Variants in PTPRK observed in about 807,000 individuals in gnomAD.
PTPRK encodes the protein receptor-type tyrosine-protein phosphatase kappa.
A neutral mutation model predicts 178.0 loss-of-function variants in PTPRK; 75 were observed. That is an observed-to-expected ratio of 0.42 (90% CI 0.35 to 0.51). PTPRK has a LOEUF of 0.51. Ranked by LOEUF, PTPRK falls within the 20% of genes least tolerant of loss-of-function variation. The probability of loss-of-function intolerance (pLI) is 0.02; values close to 1 mark genes in which losing one functional copy is unlikely to be tolerated. For missense variants in PTPRK, 1,441 were observed against 1,797.8 expected, an observed-to-expected ratio of 0.80 and a Z score of 3.59; for synonymous variants, 637 against 620.6, an observed-to-expected ratio of 1.03 and a Z score of -0.39.
chr6:128,125,922 A>T (rs747380416), intron 7 of PTPRK, among the ~76,000 whole-genome samples: 3 of 151,910 alleles, frequency 2.0e-5, no homozygotes, highest in Non-Finnish European at 2.9e-5. Flanking sequence ...TTGGGGTTTT[A>T]AAAAATAGTT....
At chr6:128,370,261 G>C (rs1459880557) in intron 2 of PTPRK, among the ~76,000 whole-genome samples, 1 of 151,994 alleles carries the variant, frequency 6.6e-6, no homozygotes, top group African/African-American at 2.4e-5. Flanking sequence ...CATCCACCAG[G>C]GCATCCCTGT....
chr6:128,234,333 C>A (rs1812835488), intron 5 of PTPRK, among the ~76,000 whole-genome samples: 1 of 152,114 alleles, frequency 6.6e-6, no homozygotes. Context: ...ATTTTTTCCT[C>A]ATTTGTGTCT....
At chr6:128,493,441 A>G (rs1026425456) in intron 1 of PTPRK, among the ~76,000 whole-genome samples, 1 of 151,968 alleles carries the variant, frequency 6.6e-6, no homozygotes, top group Non-Finnish European at 1.5e-5. Context: ...AGGCGCCTGT[A>G]GTCCCAGCTG....
At chr6:128,226,508 G>A (rs1031546565) in intron 5 of PTPRK, among the ~76,000 whole-genome samples, 1 of 151,370 alleles carries the variant, frequency 6.6e-6, no homozygotes, top group Non-Finnish European at 1.5e-5. Context: ...GATAGTCTGA[G>A]TGGACTGGAT....
chr6:128,256,907 G>C (rs1817428056), intron 3 of PTPRK, among the ~76,000 whole-genome samples: 1 of 152,148 alleles, frequency 6.6e-6, no homozygotes, highest in South Asian at 2.1e-4. Flanking sequence ...CAATTTTGTA[G>C]AACATCTAGT....
rs530281184 is a variant in PTPRK at position 128,079,140 on chromosome 6, G to A, written c.1778-222C>T. Among the ~76,000 whole-genome samples, 4 of 152,028 alleles carry A rather than the reference G, an allele frequency of 2.6e-5. No individual in the cohort carries two copies. In the South Asian group the frequency reaches 6.2e-4, roughly 24 times the overall value. Reference sequence around the variant, plus strand: ...ATTTGCTGTGGAAATTTAAATAATCGTCTGGCAATTTATGACACACATTCC... The same window carrying A: ...ATTTGCTGTGGAAATTTAAATAATCATCTGGCAATTTATGACACACATTCC... On this transcript the variant is annotated intron_variant, in intron 10 of 29. Transcript: ENST00000368226.
At chr6:128,342,942 T>A (rs944011547) in intron 2 of PTPRK, among the ~76,000 whole-genome samples, 1 of 151,684 alleles carries the variant, frequency 6.6e-6, no homozygotes, top group African/African-American at 2.4e-5. Flanking sequence ...AATTAAAAAA[T>A]TAAAGAACAG....
In PTPRK at chr6:128,298,710, G is replaced by A. The variant is rs527274879; in HGVS notation, c.495+23329C>T. ...ACTCTCAATAAATTAGGTATTGATG[G>A]GACGTATCTCAAAATAATAAGAGCT... On this transcript the variant is annotated intron_variant, in intron 3 of 29. Coordinates refer to ENST00000368226, the MANE Select transcript of PTPRK (RefSeq NM_002844.4). Among the ~76,000 whole-genome samples the A allele has an allele frequency of 1.6e-4, 25 of 152,082 alleles. No homozygotes were observed. In the East Asian group the frequency reaches 4.2e-3, roughly 26 times the overall value.
intron 1 of PTPRK, among the ~76,000 whole-genome samples, chr6:128,464,661 A>G (rs1331286597): frequency 5.3e-5 from 6 of 113,464 alleles, no homozygotes; most frequent in African/African-American, 2.3e-4. Flanking sequence ...ATATATATAT[A>G]TATATATATA....
intron 3 of PTPRK, among the ~76,000 whole-genome samples, chr6:128,280,976 GA>G (rs1007753264): frequency 4.0e-5 from 6 of 150,828 alleles, no homozygotes; most frequent in African/African-American, 1.2e-4. Context: ...AACTTTTTAG[GA>G]AAAAAAAATC....
intron 3 of PTPRK, among the ~76,000 whole-genome samples, chr6:128,257,466 T>C (rs1483430083): frequency 6.6e-6 from 1 of 152,136 alleles, no homozygotes; most frequent in Admixed American, 6.6e-5. Context: ...CCTAAACATG[T>C]AATAGTATGC....
At chr6:128,000,345 A>C in intron 15 of PTPRK, 1 of 1,268,948 alleles carries the variant, frequency 7.9e-7, no homozygotes, top group Non-Finnish European at 1.0e-6. Flanking sequence ...AGAAGGGAAA[A>C]AAAAAAGAAC....
intron 3 of PTPRK, among the ~76,000 whole-genome samples, chr6:128,295,691 G>A (rs967387347): frequency 3.3e-5 from 5 of 151,900 alleles, no homozygotes; most frequent in South Asian, 2.1e-4. Flanking sequence ...TGGTAAATCC[G>A]GTTCAATAAA....
chr6:128,278,065 A>G (rs1821012609), intron 3 of PTPRK, among the ~76,000 whole-genome samples: 1 of 152,094 alleles, frequency 6.6e-6, no homozygotes, highest in Non-Finnish European at 1.5e-5. Context: ...TCTTTTCCCA[A>G]AAAAGCTAGT....
chr6:128,473,404 ATTTTTTTT>A (rs67418131), intron 1 of PTPRK, among the ~76,000 whole-genome samples: 137 of 90,904 alleles, frequency 1.5e-3, no homozygotes, highest in African/African-American at 2.5e-3. Context: ...TATGGTTACT[ATTTTTTTT>A]TTTTTTTTTT....
intron 3 of PTPRK, among the ~76,000 whole-genome samples, chr6:128,257,365 G>C (rs1202758953): frequency 6.6e-6 from 1 of 151,964 alleles, no homozygotes; most frequent in Admixed American, 6.6e-5. Context: ...CCTTTAAAGG[G>C]TTCTACATGA....
chr6:128,393,035 A>G (rs1477697065), intron 2 of PTPRK, among the ~76,000 whole-genome samples: 1 of 151,958 alleles, frequency 6.6e-6, no homozygotes, highest in Non-Finnish European at 1.5e-5. Flanking sequence ...TCTAAGAAAA[A>G]TAATTTTTTT....
At position 128,470,749 on chromosome 6, in the gene PTPRK, CTT is replaced by C. The variant is rs11361160; in HGVS notation, c.100+49508_100+49509del. On this transcript the variant is annotated intron_variant, in intron 1 of 29. Coordinates refer to ENST00000368226, the MANE Select transcript of PTPRK (RefSeq NM_002844.4). ...CTAGAAGAAGAAACAATATCTCTCT[CTT>C]TTTTTTTTTTTTTTTTTTTAATGGC... 8.0e-3 allele frequency among the ~76,000 whole-genome samples: 916 copies of C among 114,206 alleles called. 14 individuals are homozygous for C. The highest frequency in any genetic ancestry group is 0.026 in the African/African-American group (779 of 30,056). 74.9% of individuals were successfully genotyped at this position (114,206 alleles called of 152,430 possible).
intron 13 of PTPRK, among the ~76,000 whole-genome samples, chr6:128,060,815 TG>T (rs1414185107): frequency 2.0e-5 from 3 of 152,166 alleles, no homozygotes; most frequent in African/African-American, 7.2e-5. Flanking sequence ...TATTAGAATA[TG>T]AAATATATAT....
Sources: allele counts gnomAD v4.1 joint callset (sites outside exome capture counted in the v4.1 genomes callset), GRCh38; gene constraint gnomAD v4.1.1; transcripts MANE v1.5; gene names NCBI Gene and HGNC (gene_info 2026-07-23, HGNC 2026-07-21).